TTBK2: variants seen among roughly 807,000 people sequenced by gnomAD.
The protein encoded by TTBK2 is tau tubulin kinase 2.
Under a neutral mutation model 110.8 loss-of-function variants are expected in TTBK2, and 28 were observed. The observed-to-expected ratio is 0.25, with a 90% confidence interval of 0.19 to 0.35. TTBK2 has a LOEUF of 0.35. TTBK2 is among the 10% of genes least tolerant of loss of function. The pLI is 1.00. For synonymous variants in TTBK2, 532 were observed against 527.3 expected, an observed-to-expected ratio of 1.01 and a Z score of -0.12; for missense variants, 1,369 against 1,500.3, an observed-to-expected ratio of 0.91 and a Z score of 1.45.
chr15:42,833,725 T>A (rs1892871112), intron 4 of TTBK2, among the ~76,000 whole-genome samples: 1 of 151,438 alleles, frequency 6.6e-6, no homozygotes, highest in African/African-American at 2.4e-5. Context: ...ATTAAAAAGT[T>A]AGGGCCAGGC....
chr15:42,840,574 T>A, intron 3 of TTBK2, 141 bp from the exon 4 acceptor site: 1 of 806,740 alleles, frequency 1.2e-6, no homozygotes, highest in Non-Finnish European at 2.2e-6. Flanking sequence ...CTTATATTAT[T>A]CAAATTTTCT....
At chr15:42,783,978 C>A (rs1286230269) in intron 10 of TTBK2, among the ~76,000 whole-genome samples, 2 of 151,842 alleles carry the variant, frequency 1.3e-5, no homozygotes, top group South Asian at 4.2e-4. Flanking sequence ...AGGAGAATTG[C>A]TTGAATCTAG....
intron 10 of TTBK2, among the ~76,000 whole-genome samples, chr15:42,789,149 T>C (rs941810580): frequency 4.6e-5 from 7 of 152,192 alleles, no homozygotes; most frequent in African/African-American, 1.4e-4. Context: ...ATCTCCACAC[T>C]TGTTCATCCC....
chr15:42,760,331 G>A (rs1223354798), intron 13 of TTBK2, among the ~76,000 whole-genome samples: 4 of 142,862 alleles, frequency 2.8e-5, no homozygotes, highest in East Asian at 2.1e-4. Flanking sequence ...GTTGCAGTGA[G>A]CTGAGATCAT....
At chr15:42,753,359 G>A in intron 13 of TTBK2, 112 bp from the exon 14 acceptor site, 2 of 1,142,670 alleles carry the variant, frequency 1.8e-6, no homozygotes, top group Non-Finnish European at 2.5e-6. Context: ...CACAGATGTT[G>A]ACCAGGTCTG....
intron 3 of TTBK2, among the ~76,000 whole-genome samples, chr15:42,860,084 G>A (rs1405129570): frequency 6.6e-6 from 1 of 151,738 alleles, no homozygotes; most frequent in Non-Finnish European, 1.5e-5. Context: ...AGAAACAGAA[G>A]AAAGGATTAA....
At chr15:42,903,391 G>T (rs2141195109) in intron 1 of TTBK2, among the ~76,000 whole-genome samples, 1 of 152,250 alleles carries the variant, frequency 6.6e-6, no homozygotes, top group South Asian at 2.1e-4. Context: ...TAAGGCCACT[G>T]AACTGTACAC....
rs971407240 is a variant in TTBK2, at chr15:42,780,146, C to G, written c.1198-2904G>C. On this transcript the variant is annotated intron_variant, in intron 11 of 14. Coordinates refer to ENST00000267890, the MANE Select transcript of TTBK2 (RefSeq NM_173500.4). The stretch of plus-strand genomic sequence containing the variant: ...AAGCGATCCTCCACCCTCAGCCTCC[C>G]AAGTACCTGGGACTACAGGTACGTG... Among the ~76,000 whole-genome samples, 24 of 150,478 alleles carry G rather than the reference C, an allele frequency of 1.6e-4. 1 individual carries two copies. The highest frequency in any genetic ancestry group is 1.3e-4 in the Admixed American group (2 of 15,164).
At chr15:42,801,269 C>T (rs1175116091) in intron 9 of TTBK2, 2 of 1,543,852 alleles carry the variant, frequency 1.3e-6, no homozygotes, top group Non-Finnish European at 1.8e-6. Flanking sequence ...TATCCAGGGC[C>T]AGCTTGACGT....
At chr15:42,780,820 C>T (rs150372239) in intron 11 of TTBK2, among the ~76,000 whole-genome samples, 1 of 151,930 alleles carries the variant, frequency 6.6e-6, no homozygotes, top group Non-Finnish European at 1.5e-5. Context: ...AAAAATTAGC[C>T]AAGCGTGGTG....
chr15:42,824,390 C>T (rs913986804), intron 6 of TTBK2, among the ~76,000 whole-genome samples: 9 of 152,154 alleles, frequency 5.9e-5, no homozygotes, highest in African/African-American at 2.2e-4. Context: ...ATCAATTTCC[C>T]AGTTTTGACA....
At chr15:42,769,523 G>A (rs1208198486) in intron 13 of TTBK2, among the ~76,000 whole-genome samples, 1 of 152,136 alleles carries the variant, frequency 6.6e-6, no homozygotes, top group African/African-American at 2.4e-5. Context: ...CATCATCACT[G>A]GCCATCAGAG....
intron 3 of TTBK2, among the ~76,000 whole-genome samples, chr15:42,865,583 G>A (rs1190314443): frequency 1.3e-5 from 2 of 150,888 alleles, no homozygotes; most frequent in African/African-American, 4.9e-5. Flanking sequence ...AGCACTTTGT[G>A]AGGCTGAGGC....
intron 3 of TTBK2, among the ~76,000 whole-genome samples, chr15:42,850,058 C>T (rs1247939569): frequency 1.3e-5 from 2 of 152,120 alleles, no homozygotes; most frequent in African/African-American, 4.8e-5. Flanking sequence ...TGGGGATTTT[C>T]CCAACTCTCT....
intron 6 of TTBK2, among the ~76,000 whole-genome samples, chr15:42,824,841 C>G (rs1321155291): frequency 6.6e-6 from 1 of 151,930 alleles, no homozygotes; most frequent in Admixed American, 6.6e-5. Flanking sequence ...ATATAACAAA[C>G]TTGCACAGGT....
chr15:42,888,642 T>C (rs932751620), intron 1 of TTBK2, among the ~76,000 whole-genome samples: 6 of 152,166 alleles, frequency 3.9e-5, no homozygotes, highest in African/African-American at 1.2e-4. Context: ...ATATTTATAC[T>C]GACCCCATAT....
At chr15:42,849,768 T>C (rs1034633773) in intron 3 of TTBK2, among the ~76,000 whole-genome samples, 9 of 152,188 alleles carry the variant, frequency 5.9e-5, no homozygotes, top group African/African-American at 2.2e-4. Flanking sequence ...CAGTGGTCTA[T>C]CCCATAATTC....
At chr15:42,763,139 C>CACATATAT (rs2062063113) in intron 13 of TTBK2, among the ~76,000 whole-genome samples, 7 of 57,246 alleles carry the variant, frequency 1.2e-4, no homozygotes, top group Non-Finnish European at 1.9e-4. Flanking sequence ...TACATATATA[C>CACATATAT]ATACATATAT....
chr15:42,780,600 T>C (rs921295632), intron 11 of TTBK2, among the ~76,000 whole-genome samples: 1 of 151,802 alleles, frequency 6.6e-6, no homozygotes, highest in African/African-American at 2.4e-5. Context: ...CAACAAAATC[T>C]GTAATGAAAA....
Sources: gnomAD v4.1 joint callset for allele counts (sites outside exome capture counted in the v4.1 genomes callset) on GRCh38, gnomAD v4.1.1 for gene constraint, MANE v1.5 for transcripts, NCBI Gene and HGNC (gene_info 2026-07-23, HGNC 2026-07-21) for gene names.